The following TPD52L2 variants were observed in gnomAD, a reference collection of about 807,000 sequenced individuals.
TPD52L2 encodes tumor protein D54.
A neutral mutation model predicts 24.7 loss-of-function variants in TPD52L2; 19 were observed. The observed-to-expected ratio is 0.77, with a 90% confidence interval of 0.54 to 1.13. TPD52L2 has a LOEUF of 1.13. TPD52L2 is among the 50% of genes most tolerant of loss of function. TPD52L2 has a pLI of 0.00. For synonymous variants in TPD52L2, 104 were observed against 100.2 expected (o/e 1.04, Z -0.23); for missense variants, 236 against 250.4 (o/e 0.94, Z 0.39).
At chr20:63,866,850 C>T (rs1218375590) in intron 1 of TPD52L2, among the ~76,000 whole-genome samples, 1 of 150,200 alleles carries the variant, frequency 6.7e-6, no homozygotes, top group East Asian at 2.0e-4. Context: ...TAGCTTACTG[C>T]AATCTTCAAC....
chr20:63,884,106 G>A (rs1052697294), intron 5 of TPD52L2, among the ~76,000 whole-genome samples: 2 of 152,156 alleles, frequency 1.3e-5, no homozygotes, highest in African/African-American at 2.4e-5. Context: ...TAAACCTCTG[G>A]AGAAGCTGCA....
chr20:63,886,282 C>T (rs1324779454), intron 5 of TPD52L2, among the ~76,000 whole-genome samples: 1 of 152,170 alleles, frequency 6.6e-6, no homozygotes, highest in African/African-American at 2.4e-5. Context: ...CTCGTGCTTC[C>T]CTTCAGGCTC....
chr20:63,878,610 G>C (rs2052778450), intron 4 of TPD52L2, among the ~76,000 whole-genome samples: 1 of 152,200 alleles, frequency 6.6e-6, no homozygotes, highest in African/African-American at 2.4e-5. Context: ...CCTTGGAGGT[G>C]GTGTGCTCTG....
At chr20:63,869,695 C>T (rs968610349) in intron 2 of TPD52L2, among the ~76,000 whole-genome samples, 1 of 152,232 alleles carries the variant, frequency 6.6e-6, no homozygotes, top group South Asian at 2.1e-4. Flanking sequence ...CCTAAGTGCT[C>T]CCTGAGGAGT....
chr20:63,876,885 A>T, intron 4 of TPD52L2: 1 of 430,080 alleles, frequency 2.3e-6, no homozygotes, highest in Non-Finnish European at 4.6e-6. Flanking sequence ...TGCTCTGGGG[A>T]CCCGGGCGGT....
At position 63,869,301 on chromosome 20, in the gene TPD52L2, A is replaced by C. The variant is rs1207864915; in HGVS notation, c.25A>C (p.Asn9His). 8.7e-6 allele frequency: 14 copies of C among 1,614,084 alleles called. No homozygotes were observed. In the East Asian group the frequency reaches 3.1e-4, roughly 36 times the overall value. ...CCTCATTTTGTCTCTGGCAGATATC[A>C]ACCTGAATTCTCCTAACAAAGGTCT... MDSAGQDI[N>H]LNSPNKGLLS... Residue 9 changes from asparagine (N) to histidine (H), a missense_variant, in exon 2 of 7, where the codon AAC becomes CAC. Physicochemically the swap from Asn to His is moderately conservative, Grantham distance 68. Coordinates refer to ENST00000346249, the MANE Select transcript of TPD52L2 (RefSeq NM_003288.4).
intron 3 of TPD52L2, among the ~76,000 whole-genome samples, chr20:63,874,222 T>TGTGTGTGTGTGTG (rs1568944507): frequency 2.4e-4 from 33 of 139,688 alleles, no homozygotes; most frequent in African/African-American, 8.1e-4. Context: ...CGGCTGATTT[T>TGTGTGTGTGTGTG]TTTTTTTGTG....
At position 63,882,832 on chromosome 20, in the gene TPD52L2, C is replaced by A; in HGVS notation, c.476+12C>A. The A allele has an allele frequency of 6.3e-7, 1 of 1,599,960 alleles. No individual in the cohort carries two copies. The highest frequency in any genetic ancestry group is 8.5e-7 in the Non-Finnish European group (1 of 1,171,142). On this transcript the variant is annotated intron_variant, in intron 5 of 6. Coordinates refer to ENST00000346249, the MANE Select transcript of TPD52L2 (RefSeq NM_003288.4). The stretch of plus-strand genomic sequence containing the variant: ...CTTGGAGACATGAGGTGAGACGCAA[C>A]CCTGACTCTGCTGCCCTGAGACCTG...
At chr20:63,889,322 G>T in intron 6 of TPD52L2, 84 bp downstream of exon 6, 2 of 1,170,238 alleles carry the variant, frequency 1.7e-6, no homozygotes, top group Non-Finnish European at 2.5e-6. Context: ...TTTAGTTATG[G>T]TAGACTCACA....
At chr20:63,875,991 T>G (rs1038531448) in intron 4 of TPD52L2, 116 bp downstream of exon 4, 85 of 1,052,198 alleles carry the variant, frequency 8.1e-5, no homozygotes, top group Non-Finnish European at 1.1e-4. Flanking sequence ...TTGCTGGCTA[T>G]TTTTTCTTCC....
chr20:63,885,614 A>G (rs1432032799), intron 5 of TPD52L2, among the ~76,000 whole-genome samples: 1 of 152,234 alleles, frequency 6.6e-6, no homozygotes, highest in Non-Finnish European at 1.5e-5. Context: ...GGCCAAGCCC[A>G]GCTGTCATGC....
intron 1 of TPD52L2, among the ~76,000 whole-genome samples, chr20:63,866,778 A>ATT (rs923758701): frequency 4.7e-5 from 4 of 85,170 alleles, no homozygotes; most frequent in East Asian, 3.0e-4. Context: ...TTTTTTTTTA[A>ATT]TTTTTTTTTT....
intron 2 of TPD52L2, among the ~76,000 whole-genome samples, chr20:63,871,029 G>C (rs1391108298): frequency 4.0e-5 from 6 of 150,392 alleles, no homozygotes; most frequent in African/African-American, 1.5e-4. Flanking sequence ...ACAAGGTGAA[G>C]TTCTGTATTG....
intron 1 of TPD52L2, among the ~76,000 whole-genome samples, chr20:63,868,785 A>T (rs58330755): frequency 0.018 from 2,693 of 152,312 alleles, 92 homozygotes; most frequent in African/African-American, 0.061. Flanking sequence ...CTCTACTGAA[A>T]ATACAAAAAT....
intron 5 of TPD52L2, chr20:63,887,895 G>T: frequency 2.0e-6 from 1 of 511,874 alleles, no homozygotes. Context: ...TGGGTGGGGT[G>T]GGGTTCGAGG....
At chr20:63,886,559 C>T (rs894392021) in intron 5 of TPD52L2, among the ~76,000 whole-genome samples, 1 of 152,088 alleles carries the variant, frequency 6.6e-6, no homozygotes, top group African/African-American at 2.4e-5. Context: ...GACGGGGTTT[C>T]ACCGTGGTCT....
At chr20:63,866,999 G>C (rs1445898696) in intron 1 of TPD52L2, among the ~76,000 whole-genome samples, 3 of 147,600 alleles carry the variant, frequency 2.0e-5, no homozygotes, top group African/African-American at 7.6e-5. Context: ...TGTTGCCCAC[G>C]CTGCAGTACA....
At position 63,870,065 on chromosome 20, in the gene TPD52L2, C is replaced by T. The variant is rs552613469; in HGVS notation, c.165+624C>T. Among the ~76,000 whole-genome samples, 4 of 152,292 alleles carry T rather than the reference C, an allele frequency of 2.6e-5. No homozygotes were observed. The East Asian group carries it at 7.7e-4, about 29-fold the overall frequency. On this transcript the variant is annotated intron_variant, in intron 2 of 6. Coordinates refer to ENST00000346249, the MANE Select transcript of TPD52L2 (RefSeq NM_003288.4). Reference sequence around the variant, plus strand: ...ATTGCTTGAGGCCAGGAGGTCAAGGCTTCAGTGAGCTGTGATTGCATCCTG... The same window carrying T: ...ATTGCTTGAGGCCAGGAGGTCAAGGTTTCAGTGAGCTGTGATTGCATCCTG...
rs1238439929 is a variant in TPD52L2, at chr20:63,890,195, A to G, written c.*250A>G. 3 of 843,374 alleles carry G rather than the reference A, an allele frequency of 3.6e-6. No homozygotes were observed. The highest frequency in any genetic ancestry group is 5.3e-6 in the Non-Finnish European group (3 of 562,270). The allele number at this position is 843,374 out of a possible 1,614,324, so 52.2% of individuals were successfully genotyped here. ...ACTGTGCTGTCCTTCCTAGGGGTGC[A>G]GGAAGTGGACAGGGCGGAGGGTTTG... On this transcript the variant is annotated 3_prime_UTR_variant, in exon 7 of 7. Coordinates refer to ENST00000346249, the MANE Select transcript of TPD52L2 (RefSeq NM_003288.4).
Sources: gnomAD v4.1 joint callset for allele counts (sites outside exome capture counted in the v4.1 genomes callset) on GRCh38, gnomAD v4.1.1 for gene constraint, MANE v1.5 for transcripts, NCBI Gene and HGNC (gene_info 2026-07-23, HGNC 2026-07-21) for gene names.